PKHD1: variants seen among roughly 807,000 people sequenced by gnomAD.
The protein encoded by PKHD1 is PKHD1 ciliary IPT domain containing fibrocystin/polyductin.
PKHD1 carries 291 observed loss-of-function variants against 412.0 expected under a neutral mutation model. That is an observed-to-expected ratio of 0.71 (90% CI 0.64 to 0.78). PKHD1 has a LOEUF of 0.78. PKHD1 is among the 30% of genes least tolerant of loss of function. The pLI, the probability that PKHD1 is intolerant of heterozygous loss-of-function variation, is 0.00. For missense variants in PKHD1, 4,825 were observed against 4,950.7 expected, an observed-to-expected ratio of 0.97 and a Z score of 0.76; for synonymous variants, 1,777 against 1,821.5, an observed-to-expected ratio of 0.98 and a Z score of 0.62.
chr6:51,689,240 A>C (rs1777848397), intron 60 of PKHD1, among the ~76,000 whole-genome samples: 1 of 152,242 alleles, frequency 6.6e-6, no homozygotes, highest in Non-Finnish European at 1.5e-5. Flanking sequence ...AACTGAAGAC[A>C]AAAACCACAT....
rs575570170 is a variant in PKHD1, at chr6:52,070,061, G to A, written c.707+345C>T. Among the ~76,000 whole-genome samples, 5 of 152,186 alleles carry A rather than the reference G, an allele frequency of 3.3e-5. 1 individual carries two copies. The South Asian group carries it at 1.0e-3, about 32-fold the overall frequency. ...TGTGGACCCCTTCCATTTTCAAGAA[G>A]GCACTTCCTAGATGGTACAATGTAT... On this transcript the variant is annotated intron_variant, in intron 10 of 66. Coordinates refer to ENST00000371117, the MANE Select transcript of PKHD1 (RefSeq NM_138694.4).
chr6:52,070,892 G>C, intron 9 of PKHD1, 114 bp downstream of exon 9: 1 of 736,278 alleles, frequency 1.4e-6, no homozygotes, highest in South Asian at 1.5e-5. Context: ...TTAACAAATA[G>C]TAATTATTGT....
intron 57 of PKHD1, 32 bp downstream of exon 57, chr6:51,753,169 G>A (rs1786384449): frequency 6.2e-7 from 1 of 1,601,516 alleles, no homozygotes; most frequent in Non-Finnish European, 8.6e-7. Flanking sequence ...GGCTCCAACT[G>A]GTAATGGCCA....
At position 51,736,221 on chromosome 6, in the gene PKHD1, T is replaced by C. The variant is rs1270001638; in HGVS notation, c.10156+8164A>G. ...CAATCACAATAATAACATGTCTAGA[T>C]TGAGGAAAGGAAAAGGAAATTGTCC... On this transcript the variant is annotated intron_variant, in intron 60 of 66. Transcript: ENST00000371117. Among the ~76,000 whole-genome samples, 3 of 152,166 alleles carry C rather than the reference T, an allele frequency of 2.0e-5. No homozygotes were observed. In the East Asian group the frequency reaches 5.8e-4, roughly 29 times the overall value.
At position 52,017,469 on chromosome 6, in the gene PKHD1, G is replaced by C. The variant is rs1355951747; in HGVS notation, c.5541C>G (p.Leu1847=). 1.9e-6 allele frequency: 3 copies of C among 1,613,996 alleles called. No individual in the cohort carries two copies. The highest frequency in any genetic ancestry group is 2.5e-6 in the Non-Finnish European group (3 of 1,179,936). ...LYICEESSQC[L]FVPDHWAESM... ...ACTCTGCCCAATGATCTGGCACAAA[G>C]AGGCATTGGGAACTTTCCTCGCAAA... is the stretch of plus-strand genomic sequence containing the variant. Residue 1847 remains leucine (L), a synonymous_variant, in exon 34 of 67, where the codon CTC becomes CTG. Transcript: ENST00000371117.
At chr6:52,074,919 G>A (rs540953762) in intron 6 of PKHD1, among the ~76,000 whole-genome samples, 78 of 152,144 alleles carry the variant, frequency 5.1e-4, no homozygotes, top group Non-Finnish European at 9.4e-4. Flanking sequence ...AAGAGACACC[G>A]AGCAGAACTC....
intron 35 of PKHD1, among the ~76,000 whole-genome samples, chr6:51,969,885 G>C (rs1793408462): frequency 6.6e-6 from 1 of 152,178 alleles, no homozygotes; most frequent in Non-Finnish European, 1.5e-5. Flanking sequence ...TGTGAACAGG[G>C]TTGAGATAAT....
intron 36 of PKHD1, among the ~76,000 whole-genome samples, chr6:51,943,632 CTAGT>C (rs1788949711): frequency 6.6e-6 from 1 of 151,638 alleles, no homozygotes; most frequent in African/African-American, 2.4e-5. Flanking sequence ...TAAGCACTCT[CTAGT>C]TAGATGTCCT....
At chr6:51,733,301 G>C (rs1242270626) in intron 60 of PKHD1, among the ~76,000 whole-genome samples, 2 of 152,120 alleles carry the variant, frequency 1.3e-5, no homozygotes, top group Admixed American at 6.5e-5. Flanking sequence ...AGTACTTTGG[G>C]AGAACGAGAT....
intron 35 of PKHD1, among the ~76,000 whole-genome samples, chr6:51,989,948 A>AAGGAAGG (rs1796796338): frequency 4.3e-5 from 2 of 46,324 alleles, no homozygotes; most frequent in Admixed American, 2.0e-4. Context: ...AGGAAGGAAG[A>AAGGAAGG]AAGGAAGGAA....
At chr6:52,035,494 T>A (rs921657971) in intron 28 of PKHD1, 97 bp downstream of exon 28, 50 of 1,165,094 alleles carry the variant, frequency 4.3e-5, no homozygotes, top group Non-Finnish European at 6.1e-5. Context: ...GAAGTTTACA[T>A]CAGTTCATTT....
chr6:51,775,863 T>C lies in PKHD1; in HGVS notation c.8499A>G (p.Ser2833=), dbSNP rs1314203936. ...TCATACGGTCACAAAAGACTCCCTCTGAGGCTCTAAGGAGAATCAGAAGCT... is the reference window on the plus strand; with the variant it reads ...TCATACGGTCACAAAAGACTCCCTCCGAGGCTCTAAGGAGAATCAGAAGCT... ...EQKLLILLRA[S]EGVFCDRMNG... Residue 2833 remains serine, a synonymous_variant, in exon 54 of 67, where the codon TCA becomes TCG. Coordinates refer to ENST00000371117, the MANE Select transcript of PKHD1 (RefSeq NM_138694.4). The C allele has an allele frequency of 6.2e-7, 1 of 1,602,320 alleles. No homozygotes were observed. Among genetic ancestry groups the C allele is most frequent in the Non-Finnish European group, 8.5e-7 (1 of 1,170,170 alleles).
chr6:51,937,916 C>T (rs1477145487), intron 36 of PKHD1, among the ~76,000 whole-genome samples: 1 of 152,208 alleles, frequency 6.6e-6, no homozygotes, highest in African/African-American at 2.4e-5. Flanking sequence ...AAGATTCTGA[C>T]AGTGAGAAAA....
intron 60 of PKHD1, among the ~76,000 whole-genome samples, chr6:51,735,068 A>T (rs1783673939): frequency 6.6e-6 from 1 of 152,196 alleles, no homozygotes; most frequent in Non-Finnish European, 1.5e-5. Context: ...AAAATGTTAA[A>T]GTAGTCGACA....
chr6:51,967,329 T>C (rs1002826363), intron 35 of PKHD1, among the ~76,000 whole-genome samples: 59 of 152,112 alleles, frequency 3.9e-4, no homozygotes, highest in African/African-American at 1.4e-3. Flanking sequence ...TCTGGCTCTT[T>C]ATAGGAAAAG....
In PKHD1 at chr6:52,022,215, C is replaced by T. The variant is rs1161411840; in HGVS notation, c.5380+586G>A. On this transcript the variant is annotated intron_variant, in intron 33 of 66. Coordinates refer to ENST00000371117, the MANE Select transcript of PKHD1 (RefSeq NM_138694.4). ...CATACCACAATTTATATGATCACTA[C>T]GCAGCTTAAAGTAGTGAGCAATTGT... Among the ~76,000 whole-genome samples, 16 of 152,138 alleles carry T rather than the reference C, an allele frequency of 1.1e-4. No homozygotes were observed. In the East Asian group the frequency reaches 2.5e-3, roughly 24 times the overall value.
At chr6:51,770,059 G>C (rs1281026632) in intron 55 of PKHD1, among the ~76,000 whole-genome samples, 1 of 151,470 alleles carries the variant, frequency 6.6e-6, no homozygotes, top group Non-Finnish European at 1.5e-5. Flanking sequence ...TAAAGGAGTA[G>C]TTTGATACAT....
intron 43 of PKHD1, among the ~76,000 whole-genome samples, chr6:51,894,980 C>T (rs1269935645): frequency 6.6e-6 from 1 of 152,200 alleles, no homozygotes; most frequent in Non-Finnish European, 1.5e-5. Flanking sequence ...TAATTAATCA[C>T]AATTTTCTAT....
At chr6:51,799,433 A>G (rs1457468138) in intron 52 of PKHD1, among the ~76,000 whole-genome samples, 1 of 152,208 alleles carries the variant, frequency 6.6e-6, no homozygotes, top group East Asian at 1.9e-4. Flanking sequence ...GTATATATAC[A>G]AATAAATAAT....
Sources: gnomAD v4.1 joint callset for allele counts (sites outside exome capture counted in the v4.1 genomes callset) on GRCh38, gnomAD v4.1.1 for gene constraint, MANE v1.5 for transcripts, NCBI Gene and HGNC (gene_info 2026-07-23, HGNC 2026-07-21) for gene names.